The following ADAMTSL1 variants were observed in gnomAD, a reference collection of about 807,000 sequenced individuals.
ADAMTSL1 encodes the protein ADAMTS-like protein 1.
A neutral mutation model predicts 201.8 loss-of-function variants in ADAMTSL1; 126 were observed. The ratio of observed to expected loss-of-function variants is 0.62; its 90% CI spans 0.54 to 0.72. The LOEUF (loss-of-function observed/expected upper bound fraction) is 0.72. Ranked by LOEUF, ADAMTSL1 falls within the 30% of genes least tolerant of loss-of-function variation. ADAMTSL1 has a pLI of 0.00. For missense variants in ADAMTSL1, 2,679 were observed against 2,277.8 expected (o/e 1.18, Z -3.59); for synonymous variants, 1,121 against 903.4 (o/e 1.24, Z -4.32).
In ADAMTSL1 at chr9:18,015,701, G is replaced by A. The variant is rs117180582; in HGVS notation, c.87+108779G>A. ...TAGAGCAGGATATGGACTGAGGGCT[G>A]CCTGACCCTAAGCTTCTTCCCACAA... On this transcript the variant is annotated intron_variant, in intron 1 of 29. Coordinates refer to the ADAMTSL1 transcript ENST00000680146. Among the ~76,000 whole-genome samples, 4 of 152,088 alleles carry A rather than the reference G, an allele frequency of 2.6e-5. No individual in the cohort carries two copies. In the East Asian group the frequency reaches 7.8e-4, roughly 30 times the overall value.
chr9:18,103,457 GA>G (rs1183074907), intron 1 of ADAMTSL1, among the ~76,000 whole-genome samples: 4 of 152,052 alleles, frequency 2.6e-5, no homozygotes, highest in African/African-American at 9.7e-5. Context: ...ATAATCTAAG[GA>G]AGATAATAAA....
Position 18,273,581 on chromosome 9 carries a change from T to C in ADAMTSL1, c.207+109600T>C, listed in dbSNP as rs112805188. 3.1e-3 allele frequency among the ~76,000 whole-genome samples: 468 copies of C among 152,340 alleles called. 1 individual carries two copies. The highest frequency in any genetic ancestry group is 5.9e-3 in the Non-Finnish European group (399 of 68,034). On this transcript the variant is annotated intron_variant, in intron 2 of 29. Transcript: ENST00000680146. ...CCCTGGTTACATTTATCTTCCAAAT[T>C]TGAAAATATATTCTCAACAAATTTA...
chr9:18,571,436 C>T (rs1012517008), intron 3 of ADAMTSL1, among the ~76,000 whole-genome samples: 6 of 152,124 alleles, frequency 3.9e-5, no homozygotes, highest in African/African-American at 1.4e-4. Context: ...AAGTACTGTA[C>T]CCCCAGTACA....
chr9:18,573,977 G>C, intron 3 of ADAMTSL1, 53 bp from the exon 4 acceptor site: 4 of 1,475,674 alleles, frequency 2.7e-6, no homozygotes, highest in Non-Finnish European at 3.7e-6. Context: ...CTGGTTTCAT[G>C]TTTGGGGGTA....
At position 18,171,397 on chromosome 9, in the gene ADAMTSL1, G is replaced by GT. The variant is rs748753618; in HGVS notation, c.207+7417dup. On this transcript the variant is annotated intron_variant, in intron 2 of 29. Transcript: ENST00000680146. ...AACTAGGACATAAAAAGCACAACCT[G>GT]TAAAAGAAAATATTATACTTTAAAT... 9.2e-5 allele frequency among the ~76,000 whole-genome samples: 14 copies of GT among 152,070 alleles called. No homozygotes were observed. In the South Asian group the frequency reaches 2.9e-3, roughly 32 times the overall value.
In ADAMTSL1 at chr9:18,270,159, G is replaced by A. The variant is rs1832300257; in HGVS notation, c.207+106178G>A. Among the ~76,000 whole-genome samples, 2 of 151,976 alleles carry A rather than the reference G, an allele frequency of 1.3e-5. 1 individual carries two copies. The highest frequency in any genetic ancestry group is 4.2e-4 in the South Asian group (2 of 4,808). ...CAAGGTCAGGGTGCTAGCAGGTTTG[G>A]TGTCTGGTAAAGACCCACTTCCTGG... On this transcript the variant is annotated intron_variant, in intron 2 of 29. Transcript: ENST00000680146.
At chr9:18,626,874 T>TTA (rs1554718052) in intron 5 of ADAMTSL1, among the ~76,000 whole-genome samples, 1 of 112,918 alleles carries the variant, frequency 8.9e-6, no homozygotes, top group African/African-American at 4.1e-5. Context: ...TTTCTGTCTT[T>TTA]CTTCCTTCCT....
At chr9:18,220,628 T>C (rs1830220606) in intron 2 of ADAMTSL1, among the ~76,000 whole-genome samples, 2 of 152,142 alleles carry the variant, frequency 1.3e-5, no homozygotes, top group African/African-American at 2.4e-5. Flanking sequence ...CATGTTTTGA[T>C]TTATTTTTAC....
At chr9:18,656,077 G>C (rs1828640014) in intron 7 of ADAMTSL1, among the ~76,000 whole-genome samples, 1 of 151,728 alleles carries the variant, frequency 6.6e-6, no homozygotes, top group Admixed American at 6.6e-5. Flanking sequence ...CATTCTGTAG[G>C]GTTTCTCTCT....
intron 1 of ADAMTSL1, among the ~76,000 whole-genome samples, chr9:17,975,714 T>G (rs1818420864): frequency 6.6e-6 from 1 of 152,090 alleles, no homozygotes; most frequent in South Asian, 2.1e-4. Context: ...TGCACAGAAA[T>G]TTTTTAGTTT....
chr9:18,109,738 A>G (rs1242249890), intron 1 of ADAMTSL1, among the ~76,000 whole-genome samples: 1 of 152,146 alleles, frequency 6.6e-6, no homozygotes, highest in African/African-American at 2.4e-5. Context: ...CTTGAACCCA[A>G]TGTCCCTTGA....
chr9:18,689,493 G>A (rs988061593), intron 13 of ADAMTSL1, among the ~76,000 whole-genome samples: 4 of 151,950 alleles, frequency 2.6e-5, no homozygotes, highest in African/African-American at 9.7e-5. Context: ...CCTAGAAGGT[G>A]TAATTTGCTA....
Position 18,200,404 on chromosome 9 carries a change from T to C in ADAMTSL1, c.207+36423T>C, listed in dbSNP as rs117185993. Among the ~76,000 whole-genome samples the C allele has an allele frequency of 1.6e-3, 245 of 152,240 alleles. 4 individuals are homozygous for C. The East Asian group carries it at 0.029, about 18-fold the overall frequency. ...TGTATAAATTCTTTTCCATTGGAAA[T>C]ACCAAAGGGATTATTATGCTTGATT... On this transcript the variant is annotated intron_variant, in intron 2 of 29. Coordinates refer to the ADAMTSL1 transcript ENST00000680146.
At chr9:18,847,709 C>T (rs1278440149) in intron 23 of ADAMTSL1, among the ~76,000 whole-genome samples, 11 of 152,106 alleles carry the variant, frequency 7.2e-5, no homozygotes, top group South Asian at 2.1e-4. Context: ...TGCGGAGTTC[C>T]GCCTGCATGA....
At chr9:18,506,016 C>T (rs1817623212) in intron 2 of ADAMTSL1, among the ~76,000 whole-genome samples, 1 of 152,174 alleles carries the variant, frequency 6.6e-6, no homozygotes. Context: ...CCAGGGAGGT[C>T]TCACTGGAAA....
At chr9:18,077,859 T>C (rs1433649581) in intron 1 of ADAMTSL1, among the ~76,000 whole-genome samples, 1 of 152,168 alleles carries the variant, frequency 6.6e-6, no homozygotes, top group African/African-American at 2.4e-5. Context: ...GCTAGCCTTT[T>C]ATGCAGGAGT....
chr9:17,951,386 A>T (rs7851821), intron 1 of ADAMTSL1, among the ~76,000 whole-genome samples: 2,154 of 152,140 alleles, frequency 0.014, 19 homozygotes, highest in African/African-American at 0.025. Flanking sequence ...AATTTTTTTT[A>T]AAATTTTCTG....
intron 10 of ADAMTSL1, among the ~76,000 whole-genome samples, chr9:18,679,045 T>C (rs1025486456): frequency 1.3e-5 from 2 of 152,156 alleles, no homozygotes; most frequent in African/African-American, 4.8e-5. Flanking sequence ...GGCAGGCAGA[T>C]AACAGTTGTT....
intron 2 of ADAMTSL1, among the ~76,000 whole-genome samples, chr9:18,317,006 G>C (rs908718922): frequency 6.6e-6 from 1 of 152,168 alleles, no homozygotes; most frequent in Non-Finnish European, 1.5e-5. Context: ...GAGTGGATAG[G>C]AAATTGTGGA....
Sources: allele counts gnomAD v4.1 joint callset (sites outside exome capture counted in the v4.1 genomes callset), GRCh38; gene constraint gnomAD v4.1.1; transcripts MANE v1.5; gene names NCBI Gene and HGNC (gene_info 2026-07-23, HGNC 2026-07-21).